Variants in FOXN3 observed in about 807,000 individuals in gnomAD.
FOXN3 encodes the protein forkhead box N3.
In FOXN3, 7 loss-of-function variants were observed where a neutral mutation model predicts 38.4. The ratio of observed to expected loss-of-function variants is 0.18; its 90% CI spans 0.10 to 0.34. FOXN3 has a LOEUF of 0.34. FOXN3 is among the 10% of genes least tolerant of loss of function. The pLI is 1.00. For synonymous variants in FOXN3, 230 were observed against 242.2 expected, an observed-to-expected ratio of 0.95 and a Z score of 0.47; for missense variants, 456 against 613.4, an observed-to-expected ratio of 0.74 and a Z score of 2.71.
At chr14:89,521,799 C>T (rs923997646) in intron 1 of FOXN3, among the ~76,000 whole-genome samples, 3 of 151,862 alleles carry the variant, frequency 2.0e-5, no homozygotes, top group South Asian at 2.1e-4. Flanking sequence ...ACATTATGTA[C>T]GGATCACTTG....
At chr14:89,363,734 A>G (rs2140044797) in intron 2 of FOXN3, among the ~76,000 whole-genome samples, 1 of 152,230 alleles carries the variant, frequency 6.6e-6, no homozygotes, top group Non-Finnish European at 1.5e-5. Context: ...AAGAACAAAC[A>G]GAACAGAGCC....
intron 1 of FOXN3, among the ~76,000 whole-genome samples, chr14:89,601,649 G>A (rs1896156106): frequency 6.6e-6 from 1 of 152,196 alleles, no homozygotes; most frequent in Non-Finnish European, 1.5e-5. Context: ...ATATTCAAGA[G>A]CTAAATTCCT....
At chr14:89,428,018 G>A (rs1444548851) in intron 1 of FOXN3, among the ~76,000 whole-genome samples, 4 of 152,074 alleles carry the variant, frequency 2.6e-5, no homozygotes. Context: ...ATGGGTTTCG[G>A]TGGCTAAGTC....
In FOXN3 at chr14:89,404,945, T is replaced by C. The variant is rs115539026; in HGVS notation, c.543+6989A>G. On this transcript the variant is annotated intron_variant, in intron 2 of 5. Coordinates refer to ENST00000557258, the MANE Select transcript of FOXN3 (RefSeq NM_005197.4). ...ACTGTCTTCCAATGAGCATTATTTA[T>C]CCAAAAAAATAATAATAATAAGTCA... 2.5e-3 allele frequency among the ~76,000 whole-genome samples: 387 copies of C among 152,132 alleles called. 1 individual carries two copies. The highest frequency in any genetic ancestry group is 9.0e-3 in the African/African-American group (373 of 41,502).
chr14:89,398,360 C>T lies in FOXN3; in HGVS notation c.543+13574G>A, dbSNP rs1016890201. 2.6e-5 allele frequency among the ~76,000 whole-genome samples: 4 copies of T among 152,202 alleles called. No homozygotes were observed. The South Asian group carries it at 8.3e-4, about 31-fold the overall frequency. ...TATTAGGACAACTTGTATTGGACAG[C>T]TGACATTTATTTCTGTCTGGATCGG... On this transcript the variant is annotated intron_variant, in intron 2 of 5. Transcript: ENST00000557258.
At chr14:89,372,909 C>T (rs2140057929) in intron 2 of FOXN3, among the ~76,000 whole-genome samples, 1 of 152,246 alleles carries the variant, frequency 6.6e-6, no homozygotes, top group South Asian at 2.1e-4. Context: ...GTGGCTCACA[C>T]CTGTAATTCC....
At chr14:89,329,384 GCCAGTGGT>G (rs943782907) in intron 3 of FOXN3, among the ~76,000 whole-genome samples, 5 of 152,318 alleles carry the variant, frequency 3.3e-5, no homozygotes, top group Non-Finnish European at 7.3e-5. Context: ...TTTGGGGTGT[GCCAGTGGT>G]CCTCAACTGG....
At chr14:89,558,991 A>C (rs1895188621) in intron 1 of FOXN3, among the ~76,000 whole-genome samples, 1 of 152,100 alleles carries the variant, frequency 6.6e-6, no homozygotes, top group African/African-American at 2.4e-5. Flanking sequence ...TGGAACGCAC[A>C]GCGCTGCCAA....
chr14:89,379,788 G>A (rs1321141492), intron 2 of FOXN3, among the ~76,000 whole-genome samples: 1 of 151,976 alleles, frequency 6.6e-6, no homozygotes, highest in Non-Finnish European at 1.5e-5. Context: ...AGCCTCCCGA[G>A]TAGCTGGGAT....
Position 89,572,048 on chromosome 14 carries a change from G to C in FOXN3, c.-15+46980C>G, listed in dbSNP as rs141414022. 1.6e-4 allele frequency among the ~76,000 whole-genome samples: 25 copies of C among 152,306 alleles called. No homozygotes were observed. The East Asian group carries it at 4.0e-3, about 25-fold the overall frequency. Reference sequence around the variant, plus strand: ...AATGATTAAACTTAAATTAGAAGTAGAGTTTTGATTCCAAGTTTAGAACTC... The same window carrying C: ...AATGATTAAACTTAAATTAGAAGTACAGTTTTGATTCCAAGTTTAGAACTC... On this transcript the variant is annotated intron_variant, in intron 1 of 6. Transcript: ENST00000345097.
At chr14:89,506,391 A>G (rs554434664) in intron 1 of FOXN3, among the ~76,000 whole-genome samples, 406 of 93,430 alleles carry the variant, frequency 4.3e-3, no homozygotes, top group Middle Eastern at 0.035. Context: ...CTGCCCGGCC[A>G]CCCCTACTGG....
intron 5 of FOXN3, among the ~76,000 whole-genome samples, chr14:89,176,638 C>A (rs1203755614): frequency 1.3e-5 from 2 of 152,202 alleles, no homozygotes; most frequent in African/African-American, 4.8e-5. Flanking sequence ...TTAGCCTTGG[C>A]TGAGTTTGGG....
chr14:89,499,466 A>AT (rs538696827), intron 1 of FOXN3, among the ~76,000 whole-genome samples: 7,833 of 138,840 alleles, frequency 0.056, 549 homozygotes, highest in African/African-American at 0.17. Context: ...TTTGATTTTG[A>AT]TTTTTTTTTT....
chr14:89,472,797 T>C (rs1229127808), intron 1 of FOXN3, among the ~76,000 whole-genome samples: 2 of 151,664 alleles, frequency 1.3e-5, no homozygotes, highest in East Asian at 3.9e-4. Flanking sequence ...GGTCATTATA[T>C]ATGTAGACAT....
intron 1 of FOXN3, among the ~76,000 whole-genome samples, chr14:89,429,706 A>G (rs1892116924): frequency 6.6e-6 from 1 of 152,226 alleles, no homozygotes; most frequent in Non-Finnish European, 1.5e-5. Context: ...AACAACTGCC[A>G]AACTGTCATT....
intron 1 of FOXN3, among the ~76,000 whole-genome samples, chr14:89,585,135 G>A (rs572479023): frequency 1.6e-4 from 24 of 152,058 alleles, no homozygotes; most frequent in Non-Finnish European, 3.2e-4. Flanking sequence ...TAAGCCCCTA[G>A]ACCCACACAC....
chr14:89,425,499 C>G (rs1417436693), intron 1 of FOXN3, among the ~76,000 whole-genome samples: 1 of 151,064 alleles, frequency 6.6e-6, no homozygotes, highest in Non-Finnish European at 1.5e-5. Context: ...ACCTGAGTAG[C>G]TGGGATTACA....
intron 1 of FOXN3, among the ~76,000 whole-genome samples, chr14:89,490,946 C>T (rs1311221375): frequency 1.3e-5 from 2 of 152,214 alleles, no homozygotes; most frequent in African/African-American, 2.4e-5. Flanking sequence ...AATACATTTA[C>T]ATATTAGTTA....
In FOXN3 at chr14:89,590,925, C is replaced by T. The variant is rs191674889; in HGVS notation, c.-15+28103G>A. On this transcript the variant is annotated intron_variant, in intron 1 of 6. Transcript: ENST00000345097. The stretch of plus-strand genomic sequence containing the variant: ...TCAGAGAGGCCAGGAAGAATCTGAA[C>T]GGTCAGGCCTTGCTGGGGTCATTCT... 5.9e-5 allele frequency among the ~76,000 whole-genome samples: 9 copies of T among 152,280 alleles called. No individual in the cohort carries two copies. In the East Asian group the frequency reaches 7.7e-4, roughly 13 times the overall value.
Sources: allele counts gnomAD v4.1 joint callset (sites outside exome capture counted in the v4.1 genomes callset), GRCh38; gene constraint gnomAD v4.1.1; transcripts MANE v1.5; gene names NCBI Gene and HGNC (gene_info 2026-07-23, HGNC 2026-07-21).